Variants in LRMDA observed in about 807,000 individuals in gnomAD.
LRMDA encodes leucine rich melanocyte differentiation associated.
Under a neutral mutation model 29.8 loss-of-function variants are expected in LRMDA, and 18 were observed. That is an observed-to-expected ratio of 0.60 (90% CI 0.42 to 0.90). The LOEUF is 0.90. Among genes scored for constraint, LRMDA ranks in the 40% least tolerant of loss-of-function variants. The probability of loss-of-function intolerance (pLI) is 0.00; values close to 1 mark genes in which losing one functional copy is unlikely to be tolerated. For missense variants in LRMDA, 273 were observed against 273.9 expected, an observed-to-expected ratio of 1.00 and a Z score of 0.02; for synonymous variants, 125 against 109.4, an observed-to-expected ratio of 1.14 and a Z score of -0.89.
rs558709155 is a variant in LRMDA, at chr10:76,373,760, A to G, written c.601+49275A>G. On this transcript the variant is annotated intron_variant, in intron 6 of 6. Coordinates refer to ENST00000611255, the MANE Select transcript of LRMDA (RefSeq NM_001305581.2). ...CCATCTATCCCCTCATTGTGTTTCA[A>G]TGATAAGATGATGGGCTTTATAGTT... Among the ~76,000 whole-genome samples the G allele has an allele frequency of 1.3e-4, 20 of 152,204 alleles. No individual in the cohort carries two copies. The South Asian group carries it at 3.1e-3, about 24-fold the overall frequency.
chr10:75,470,822 T>C (rs1844717272), intron 2 of LRMDA, among the ~76,000 whole-genome samples: 1 of 152,214 alleles, frequency 6.6e-6, no homozygotes, highest in Non-Finnish European at 1.5e-5. Flanking sequence ...TCCTAGGTGA[T>C]GGTGAAGATG....
intron 1 of LRMDA, among the ~76,000 whole-genome samples, chr10:75,438,093 T>C (rs1300120686): frequency 1.3e-5 from 2 of 152,208 alleles, no homozygotes; most frequent in African/African-American, 2.4e-5. Context: ...GTTATATCAA[T>C]GTGCCCTGAT....
chr10:76,286,291 TAA>T (rs1428222093), intron 5 of LRMDA, among the ~76,000 whole-genome samples: 16 of 152,322 alleles, frequency 1.1e-4, no homozygotes, highest in African/African-American at 3.8e-4. Flanking sequence ...TAAAGGGCTG[TAA>T]GGAGTGGAGA....
intron 6 of LRMDA, among the ~76,000 whole-genome samples, chr10:76,327,932 G>A (rs762931985): frequency 6.6e-6 from 1 of 152,168 alleles, no homozygotes; most frequent in Non-Finnish European, 1.5e-5. Flanking sequence ...AAGCATTGGC[G>A]GTTTGACGGT....
At chr10:75,562,182 C>T (rs1428424371) in intron 2 of LRMDA, among the ~76,000 whole-genome samples, 1 of 152,042 alleles carries the variant, frequency 6.6e-6, no homozygotes, top group Non-Finnish European at 1.5e-5. Context: ...CTTTGTAGGT[C>T]ATTCAGGACT....
At chr10:76,422,796 T>C (rs1349714765) in intron 6 of LRMDA, among the ~76,000 whole-genome samples, 2 of 152,214 alleles carry the variant, frequency 1.3e-5, no homozygotes, top group African/African-American at 2.4e-5. Context: ...CCCTGGGGCA[T>C]CTACCCCTAC....
At chr10:76,228,671 C>T (rs567164302) in intron 5 of LRMDA, among the ~76,000 whole-genome samples, 30 of 152,092 alleles carry the variant, frequency 2.0e-4, no homozygotes, top group Non-Finnish European at 3.8e-4. Flanking sequence ...GGGTGTCAGA[C>T]ATGCAAAAAA....
chr10:76,258,105 T>C (rs965906133), intron 5 of LRMDA, among the ~76,000 whole-genome samples: 26 of 152,238 alleles, frequency 1.7e-4, no homozygotes, highest in African/African-American at 6.0e-4. Context: ...ACTCTACCTC[T>C]TGATGGTAAA....
At chr10:76,219,781 A>C (rs1443351715) in intron 5 of LRMDA, among the ~76,000 whole-genome samples, 2 of 152,228 alleles carry the variant, frequency 1.3e-5, no homozygotes, top group African/African-American at 4.8e-5. Context: ...AGACATCTAC[A>C]GAACTCTCCA....
At chr10:75,855,254 G>T (rs1417342109) in intron 2 of LRMDA, among the ~76,000 whole-genome samples, 13 of 151,888 alleles carry the variant, frequency 8.6e-5, no homozygotes, top group African/African-American at 2.7e-4. Flanking sequence ...TTTAATGATC[G>T]ACATTCGAAC....
intron 6 of LRMDA, among the ~76,000 whole-genome samples, chr10:76,373,861 T>C (rs1841485156): frequency 6.6e-6 from 1 of 152,176 alleles, no homozygotes; most frequent in Admixed American, 6.6e-5. Flanking sequence ...ACTGTCCTGG[T>C]TTGCCTGGGA....
At chr10:76,139,119 AAGAC>A (rs1321787926) in intron 5 of LRMDA, among the ~76,000 whole-genome samples, 1 of 152,208 alleles carries the variant, frequency 6.6e-6, no homozygotes, top group African/African-American at 2.4e-5. Flanking sequence ...AACCGTTTCA[AAGAC>A]AGACAGAGAA....
chr10:75,840,584 A>C (rs1844522084), intron 2 of LRMDA, among the ~76,000 whole-genome samples: 1 of 152,176 alleles, frequency 6.6e-6, no homozygotes, highest in Non-Finnish European at 1.5e-5. Flanking sequence ...TGTGCACACG[A>C]GTGAGCACGC....
chr10:75,500,100 G>A (rs914746921), intron 2 of LRMDA, among the ~76,000 whole-genome samples: 2 of 152,098 alleles, frequency 1.3e-5, no homozygotes, highest in African/African-American at 2.4e-5. Flanking sequence ...ACCCTAATAT[G>A]TCAAATAGCC....
At position 75,894,678 on chromosome 10, in the gene LRMDA, A is replaced by T. The variant is rs534248121; in HGVS notation, c.132-141330A>T. Reference sequence around the variant, plus strand: ...ATGGGCATTGTAGCCTGGCATGAGAAAGATGTGAGAATGCCATAAGATGGG... The same window carrying T: ...ATGGGCATTGTAGCCTGGCATGAGATAGATGTGAGAATGCCATAAGATGGG... On this transcript the variant is annotated intron_variant, in intron 2 of 6. Coordinates refer to ENST00000611255, the MANE Select transcript of LRMDA (RefSeq NM_001305581.2). Among the ~76,000 whole-genome samples, 3 of 152,258 alleles carry T rather than the reference A, an allele frequency of 2.0e-5. No homozygotes were observed. The South Asian group carries it at 6.2e-4, about 32-fold the overall frequency.
intron 2 of LRMDA, among the ~76,000 whole-genome samples, chr10:76,031,612 G>T (rs374899264): frequency 2.0e-5 from 3 of 152,246 alleles, no homozygotes; most frequent in East Asian, 1.9e-4. Flanking sequence ...TCATCAGAGA[G>T]ATCCATACAG....
intron 2 of LRMDA, among the ~76,000 whole-genome samples, chr10:76,033,771 G>A (rs923499590): frequency 2.0e-5 from 3 of 152,014 alleles, no homozygotes; most frequent in Admixed American, 6.5e-5. Flanking sequence ...AGTGGTAAAC[G>A]GGCCCAGTCC....
chr10:76,434,542 C>T (rs893632471), intron 6 of LRMDA, among the ~76,000 whole-genome samples: 1 of 152,162 alleles, frequency 6.6e-6, no homozygotes, highest in Admixed American at 6.5e-5. Flanking sequence ...TAAATCCACC[C>T]ACTTACCTAC....
chr10:76,243,161 G>T (rs373365793), intron 5 of LRMDA, among the ~76,000 whole-genome samples: 1 of 152,086 alleles, frequency 6.6e-6, no homozygotes, highest in Non-Finnish European at 1.5e-5. Context: ...GACAAGCCTC[G>T]GAGTGAACTG....
Sources: allele counts gnomAD v4.1 joint callset (sites outside exome capture counted in the v4.1 genomes callset), GRCh38; gene constraint gnomAD v4.1.1; transcripts MANE v1.5; gene names NCBI Gene and HGNC (gene_info 2026-07-23, HGNC 2026-07-21).